Variants in NYAP2 observed in about 807,000 individuals in gnomAD.
NYAP2 encodes the protein neuronal tyrosine-phosphorylated phosphoinositide-3-kinase adaptor 2, also known as neuronal tyrosine-phosphorylated phosphoinositide-3-kinase adapter 2.
Under a neutral mutation model 50.4 loss-of-function variants are expected in NYAP2, and 23 were observed. The ratio of observed to expected loss-of-function variants is 0.46; its 90% CI spans 0.33 to 0.65. The LOEUF is 0.65. Ranked by LOEUF, NYAP2 falls within the 30% of genes least tolerant of loss-of-function variation. NYAP2 has a pLI of 0.02. For synonymous variants in NYAP2, 394 were observed against 365.2 expected, an observed-to-expected ratio of 1.08 and a Z score of -0.90; for missense variants, 885 against 861.0, an observed-to-expected ratio of 1.03 and a Z score of -0.35.
chr2:225,476,366 T>C (rs575018712), intron 3 of NYAP2, among the ~76,000 whole-genome samples: 1 of 148,204 alleles, frequency 6.7e-6, no homozygotes, highest in East Asian at 2.0e-4. Context: ...TGAGCCAAGA[T>C]CACGCCACTG....
chr2:225,562,296 C>T (rs999722638), intron 4 of NYAP2, among the ~76,000 whole-genome samples: 15 of 152,224 alleles, frequency 9.9e-5, no homozygotes, highest in African/African-American at 3.4e-4. Context: ...CACAGAAATA[C>T]ATAGAAACAT....
intron 4 of NYAP2, among the ~76,000 whole-genome samples, chr2:225,518,338 C>T (rs1249816528): frequency 3.3e-5 from 5 of 151,042 alleles, no homozygotes; most frequent in African/African-American, 1.2e-4. Context: ...GCCTGGTGAT[C>T]ACCAGGGGCT....
intron 6 of NYAP2, among the ~76,000 whole-genome samples, chr2:225,648,113 G>T (rs1284255963): frequency 2.0e-5 from 3 of 152,082 alleles, no homozygotes; most frequent in African/African-American, 7.2e-5. Flanking sequence ...TGATTCTCTT[G>T]CCTCGGCCTC....
chr2:225,688,222 G>A, the NYAP2 span, among the ~76,000 whole-genome samples: 3 of 152,234 alleles, frequency 2.0e-5, no homozygotes, highest in Admixed American at 2.0e-4. Flanking sequence ...TGAGTTTCAG[G>A]TTAGATGCCT....
At chr2:225,697,166 C>G in the NYAP2 span, among the ~76,000 whole-genome samples, 4 of 151,860 alleles carry the variant, frequency 2.6e-5, no homozygotes, top group Non-Finnish European at 5.9e-5. Flanking sequence ...TAGCTCTGTT[C>G]CAAAGAACAG....
At chr2:225,580,799 G>A (rs1041050595) in intron 4 of NYAP2, among the ~76,000 whole-genome samples, 4 of 150,700 alleles carry the variant, frequency 2.7e-5, no homozygotes, top group Non-Finnish European at 4.4e-5. Flanking sequence ...GGTGTTTCCC[G>A]ATTTGTGCCT....
chr2:225,519,936 G>T (rs1418617815), intron 4 of NYAP2, among the ~76,000 whole-genome samples: 2 of 152,070 alleles, frequency 1.3e-5, no homozygotes, highest in African/African-American at 4.8e-5. Flanking sequence ...AGCACCTGTT[G>T]TTTCCTGACT....
chr2:225,615,359 A>G (rs1281060166), intron 5 of NYAP2, among the ~76,000 whole-genome samples: 1 of 152,160 alleles, frequency 6.6e-6, no homozygotes, highest in Non-Finnish European at 1.5e-5. Context: ...AATACCTGAG[A>G]TCTACTATTA....
At chr2:225,432,864 C>A (rs906298309) in intron 3 of NYAP2, among the ~76,000 whole-genome samples, 1 of 152,118 alleles carries the variant, frequency 6.6e-6, no homozygotes, top group Non-Finnish European at 1.5e-5. Flanking sequence ...TGCTCCATCT[C>A]CTTCTGGCAT....
rs775439614 is a variant in NYAP2, at chr2:225,481,558, C to T, written c.222-31813C>T. Among the ~76,000 whole-genome samples the T allele has an allele frequency of 6.6e-5, 10 of 151,982 alleles. No homozygotes were observed. The South Asian group carries it at 8.3e-4, about 13-fold the overall frequency. ...CACATGGAGAACAAACTTATGGGAC[C>T]GGTTACTAATTTATTAATTTTTCAA... On this transcript the variant is annotated intron_variant, in intron 3 of 6. Transcript: ENST00000636099.
intron 4 of NYAP2, among the ~76,000 whole-genome samples, chr2:225,543,006 G>A (rs1173624565): frequency 6.6e-6 from 1 of 151,998 alleles, no homozygotes; most frequent in Non-Finnish European, 1.5e-5. Context: ...GGTTGTATGT[G>A]TCTAGGAATT....
At chr2:225,598,134 G>C (rs1008829146) in intron 5 of NYAP2, among the ~76,000 whole-genome samples, 1 of 152,064 alleles carries the variant, frequency 6.6e-6, no homozygotes. Flanking sequence ...CTTCACATAC[G>C]ATGCAGTCCA....
intron 3 of NYAP2, among the ~76,000 whole-genome samples, chr2:225,411,357 T>C (rs1695035838): frequency 6.6e-6 from 1 of 152,176 alleles, no homozygotes; most frequent in Admixed American, 6.6e-5. Flanking sequence ...AGCAGAATGA[T>C]GTTTCCATTT....
chr2:225,535,693 G>A (rs981900821), intron 4 of NYAP2, among the ~76,000 whole-genome samples: 1 of 152,160 alleles, frequency 6.6e-6, no homozygotes, highest in African/African-American at 2.4e-5. Flanking sequence ...AGACGTACAG[G>A]GGTCAGATAG....
intron 4 of NYAP2, among the ~76,000 whole-genome samples, chr2:225,550,025 GA>G (rs1029112671): frequency 3.4e-5 from 5 of 147,762 alleles, no homozygotes; most frequent in Admixed American, 1.4e-4. Flanking sequence ...TAGAGAGAGA[GA>G]AAAAAAAAGA....
intron 4 of NYAP2, among the ~76,000 whole-genome samples, chr2:225,548,039 C>T (rs1691614132): frequency 6.6e-6 from 1 of 151,992 alleles, no homozygotes; most frequent in Non-Finnish European, 1.5e-5. Context: ...GTTAAGTCTA[C>T]TAATTAGAGA....
intron 3 of NYAP2, among the ~76,000 whole-genome samples, chr2:225,491,427 C>A (rs1690406142): frequency 1.3e-5 from 2 of 152,140 alleles, no homozygotes; most frequent in South Asian, 4.1e-4. Flanking sequence ...TATCATCTCA[C>A]CCTACCTATC....
At chr2:225,532,756 A>G (rs1176016699) in intron 4 of NYAP2, among the ~76,000 whole-genome samples, 9 of 152,210 alleles carry the variant, frequency 5.9e-5, no homozygotes, top group Admixed American at 5.9e-4. Flanking sequence ...GGAAAAGAAC[A>G]TGAAAGGACT....
intron 3 of NYAP2, among the ~76,000 whole-genome samples, chr2:225,482,282 G>A (rs1252456621): frequency 6.6e-6 from 1 of 152,054 alleles, no homozygotes; most frequent in African/African-American, 2.4e-5. Flanking sequence ...TTGTTGGGCT[G>A]CCCTCACCTC....
Sources: gnomAD v4.1 joint callset for allele counts (sites outside exome capture counted in the v4.1 genomes callset) on GRCh38, gnomAD v4.1.1 for gene constraint, MANE v1.5 for transcripts, NCBI Gene and HGNC (gene_info 2026-07-23, HGNC 2026-07-21) for gene names.